Variants in ATP6AP1 observed in about 807,000 individuals in gnomAD.
ATP6AP1 encodes the protein V-type proton ATPase subunit S1.
ATP6AP1 carries 1 observed loss-of-function variant against 32.0 expected under a neutral mutation model. The observed-to-expected ratio is 0.03, with a 90% CI of 0.01 to 0.15. The LOEUF is 0.15. Among genes scored for constraint, ATP6AP1 ranks in the 10% least tolerant of loss-of-function variants. ATP6AP1 has a pLI of 1.00. For synonymous variants in ATP6AP1, 187 were observed against 174.9 expected (o/e 1.07, Z -0.55); for missense variants, 297 against 398.8 (o/e 0.74, Z 2.17).
intron 8 of ATP6AP1, 33 bp downstream of exon 8, chrX:154,435,219 G>T (rs2068712734): frequency 2.2e-5 from 26 of 1,209,210 alleles, no homozygotes; most frequent in Non-Finnish European, 2.9e-5. Flanking sequence ...GTATGGGTGG[G>T]CTGGTGTGGC....
Position 154,433,628 on chromosome X carries a change from C to T in ATP6AP1, c.599-7C>T. On this transcript the variant is annotated splice_region_variant and splice_polypyrimidine_tract_variant and intron_variant, in intron 5 of 9. Transcript: ENST00000369762. ...CCTGAGTCTCTGCTCTCCTTGTTGACCCTCAGATGAGGTCATCGGGCAGGT... is the reference window on the plus strand; with the variant it reads ...CCTGAGTCTCTGCTCTCCTTGTTGATCCTCAGATGAGGTCATCGGGCAGGT... The T allele has an allele frequency of 8.3e-7, 1 of 1,210,535 alleles. No individual in the cohort carries two copies. The highest frequency in any genetic ancestry group is 1.8e-5 in the South Asian group (1 of 56,991).
Position 154,432,262 on chromosome X carries a change from C to G in ATP6AP1, c.364-4C>G. ...CTCACCTTTTGCCTCTCCCCTGTCC[C>G]CAGAATGCCCTGGACCTGGCCCCCT... On this transcript the variant is annotated splice_region_variant and splice_polypyrimidine_tract_variant and intron_variant, in intron 3 of 9. Coordinates refer to ENST00000369762, the MANE Select transcript of ATP6AP1 (RefSeq NM_001183.6). 8.4e-7 allele frequency: 1 copy of G among 1,196,131 alleles called. No homozygotes were observed. Among genetic ancestry groups the G allele is most frequent in the African/African-American group, 1.7e-5 (1 of 57,746 alleles).
Position 154,428,802 on chromosome X carries a change from C to G in ATP6AP1, c.110C>G (p.Ala37Gly), listed in dbSNP as rs1557196285. The G allele has an allele frequency of 9.8e-6, 11 of 1,117,238 alleles. No homozygotes were observed. The highest frequency in any genetic ancestry group is 1.3e-5 in the Non-Finnish European group (11 of 856,517). 92.1% of individuals were successfully genotyped at this position (1,117,238 alleles called of 1,213,427 possible). The stretch of plus-strand genomic sequence containing the variant: ...TTTTTGTCGTTGGCGGCGGCGGCGG[C>G]GGCGGCAGCGGCGGAGCAGCAGGTC... ...PVFLSLAAAA[A>G]AAAAEQQVPL... The change falls in exon 1 of 10, where the codon GCG becomes GGG. Residue 37 changes from alanine (A) to glycine (G), a missense_variant. Physicochemically the swap from Ala to Gly is moderately conservative, Grantham distance 60. This residue lies in a region of ATP6AP1 where 142 missense variants were observed against 145.0 expected (regional missense o/e 0.98). Transcript: ENST00000369762.
At chrX:154,434,182 AG>A (rs781943680) in intron 6 of ATP6AP1, 25 bp from the exon 7 acceptor site, 1 of 1,200,792 alleles carries the variant, frequency 8.3e-7, no homozygotes, top group Non-Finnish European at 1.1e-6. Context: ...GGCTGCTGAA[AG>A]AAGGCTGGTT....
intron 3 of ATP6AP1, 113 bp from the exon 4 acceptor site, chrX:154,432,153 T>A: frequency 1.2e-6 from 1 of 809,956 alleles, no homozygotes; most frequent in Non-Finnish European, 1.7e-6. Flanking sequence ...ATTTTCTTGG[T>A]GAGCCTTTAT....
intron 1 of ATP6AP1, 37 bp from the exon 2 acceptor site, chrX:154,429,011 G>T: frequency 8.3e-7 from 1 of 1,201,580 alleles, no homozygotes; most frequent in Non-Finnish European, 1.1e-6. Context: ...GTCCACATGC[G>T]CCCCCGTCTG....
At chrX:154,432,181 G>C in intron 3 of ATP6AP1, 85 bp from the exon 4 acceptor site, 1 of 948,764 alleles carries the variant, frequency 1.1e-6, no homozygotes, top group Non-Finnish European at 1.4e-6. Flanking sequence ...GCTTGCCAGA[G>C]GAGAGCTGCC....
At position 154,429,305 on chromosome X, in the gene ATP6AP1, G is replaced by A. The variant is rs781900355; in HGVS notation, c.288+131G>A. 9.3e-6 allele frequency: 8 copies of A among 856,851 alleles called. No individual in the cohort carries two copies. In the East Asian group the frequency reaches 9.9e-5, roughly 11 times the overall value. 70.6% of individuals were successfully genotyped at this position (856,851 alleles called of 1,213,427 possible). ...TCCCAACTGTAGGGAGGTGTGGGTCGTCTCATGGGAAGGCCTGTAGTAAAC... is the reference window on the plus strand; with the variant it reads ...TCCCAACTGTAGGGAGGTGTGGGTCATCTCATGGGAAGGCCTGTAGTAAAC... On this transcript the variant is annotated intron_variant, in intron 2 of 9. Coordinates refer to ENST00000369762, the MANE Select transcript of ATP6AP1 (RefSeq NM_001183.6).
At chrX:154,431,253 A>G (rs5987262) in intron 2 of ATP6AP1, 1,702 of 113,057 alleles carry the variant, frequency 0.015, 31 homozygotes, top group African/African-American at 0.053. Context: ...GTAGGAGCAA[A>G]AGGACAAAGG....
intron 6 of ATP6AP1, 104 bp downstream of exon 6, chrX:154,433,824 G>C: frequency 1.2e-6 from 1 of 848,168 alleles, no homozygotes; most frequent in South Asian, 2.3e-5. Context: ...TGCCCAGGAG[G>C]CCCAGCATAG....
rs200315745 is a variant in ATP6AP1, at chrX:154,435,459, C to T, written c.1157C>T (p.Ala386Val). 216 of 1,210,712 alleles carry T rather than the reference C, an allele frequency of 1.8e-4. 2 individuals carry two copies. In the East Asian group the frequency reaches 6.2e-3, roughly 35 times the overall value. Residue 386 changes from alanine (A) to valine (V), a missense_variant, in exon 9 of 10, where the codon GCC becomes GTC. Physicochemically the swap from Ala to Val is moderately conservative, Grantham distance 64 (BLOSUM62 0). Transcript: ENST00000369762. Reference sequence around the variant, plus strand: ...AGCAAGAAGGGTAGTCTCCTCGTGGCCCGCACGCAGCCCTCTCCCTGGCAG... The same window carrying T: ...AGCAAGAAGGGTAGTCTCCTCGTGGTCCGCACGCAGCCCTCTCCCTGGCAG... ...SLSKKGSLLV[A>V]RTQPSPWQMM...
In ATP6AP1 at chrX:154,429,133, G is replaced by A. The variant is rs1231716998; in HGVS notation, c.247G>A (p.Glu83Lys). The A allele has an allele frequency of 6.6e-6, 8 of 1,209,973 alleles. No individual in the cohort carries two copies. Among genetic ancestry groups the A allele is most frequent in the Non-Finnish European group, 8.9e-6 (8 of 895,150 alleles). The change falls in exon 2 of 10, where the codon GAG becomes AAG. Residue 83 changes from glutamate to lysine, a missense_variant. Physicochemically the swap from Glu to Lys is moderately conservative, Grantham distance 56. Around this residue, in one of 2 missense-constraint regions of ATP6AP1, gnomAD observed 142 missense variants for 145.0 expected, o/e 0.98. Coordinates refer to ENST00000369762, the MANE Select transcript of ATP6AP1 (RefSeq NM_001183.6). The part of the protein sequence containing the change: ...QLSTYLDPAL[E>K]LGPRNVLLFL... ...CTCTACCTACTTAGATCCCGCCCTG[G>A]AGCTGGGTCCCAGGAATGTGCTGCT...
In ATP6AP1 at chrX:154,434,135, G is replaced by A. The variant is rs782252168; in HGVS notation, c.685-73G>A. ...GGTGTCCTGTTGGGAGGGGAAGGAG[G>A]GCACGACAATTGGGTTCAAGTGTGA... On this transcript the variant is annotated intron_variant, in intron 6 of 9. Coordinates refer to ENST00000369762, the MANE Select transcript of ATP6AP1 (RefSeq NM_001183.6). The A allele has an allele frequency of 1.2e-4, 121 of 1,017,903 alleles. No homozygotes were observed. The South Asian group carries it at 2.1e-3, about 18-fold the overall frequency. 83.9% of individuals were successfully genotyped at this position (1,017,903 alleles called of 1,213,427 possible). A position where few individuals can be genotyped will look rare whatever the true frequency, so the allele number is the denominator to read the frequency against.
At chrX:154,429,246 C>G (rs1159890461) in intron 2 of ATP6AP1, 72 bp downstream of exon 2, 24 of 1,134,246 alleles carry the variant, frequency 2.1e-5, no homozygotes, top group Non-Finnish European at 2.9e-5. Context: ...ATGACACTGA[C>G]GCCCATTCCC....
rs914558222 is a variant in ATP6AP1, at chrX:154,434,231, G to A, written c.708G>A (p.Val236=). ...PSRVARDVAV[V]AGGLGRQLLQ... ...AGGTGGCCCGTGATGTAGCCGTGGT[G>A]GCCGGAGGGCTAGGTCGCCAGCTGC... The change falls in exon 7 of 10, where the codon GTG becomes GTA. Residue 236 remains valine (V), a synonymous_variant. Transcript: ENST00000369762. 2 of 1,211,788 alleles carry A rather than the reference G, an allele frequency of 1.7e-6. No individual in the cohort carries two copies. The highest frequency in any genetic ancestry group is 5.9e-5 in the East Asian group (2 of 33,857).
intron 2 of ATP6AP1, chrX:154,430,533 A>G (rs1280419124): frequency 8.9e-6 from 1 of 112,272 alleles, no homozygotes; most frequent in Non-Finnish European, 1.9e-5. Flanking sequence ...TGTGCCAGGT[A>G]TTGTGAAGTG....
Position 154,435,960 on chromosome X carries a change from C to G in ATP6AP1, c.*69C>G. ...TGTTGCTTTCCCACCCTGCAGCGCA[C>G]TGGACTGAAGAGCTTCCCTCTTCCT... On this transcript the variant is annotated 3_prime_UTR_variant, in exon 10 of 10. Transcript: ENST00000369762. The G allele has an allele frequency of 9.7e-7, 1 of 1,029,056 alleles. No homozygotes were observed. Among genetic ancestry groups the G allele is most frequent in the Non-Finnish European group, 1.4e-6 (1 of 737,891 alleles). 84.8% of individuals were successfully genotyped at this position (1,029,056 alleles called of 1,213,427 possible).
In ATP6AP1 at chrX:154,435,344, C is replaced by T; in HGVS notation, c.1042C>T (p.His348Tyr). ...HWFTMERLEV[H>Y]SNGSVAYFNA... ...GTTTACCATGGAGCGCCTCGAAGTC[C>T]ACAGCAATGGCTCCGTCGCCTACTT... The change falls in exon 9 of 10, where the codon CAC (histidine) becomes TAC (tyrosine). Residue 348 changes from histidine (H) to tyrosine (Y), a missense_variant. His to Tyr is a moderately conservative substitution (Grantham distance 83). This residue lies in a region of ATP6AP1 where 155 missense variants were observed against 253.8 expected (regional missense o/e 0.61). Coordinates refer to ENST00000369762, the MANE Select transcript of ATP6AP1 (RefSeq NM_001183.6). The T allele has an allele frequency of 2.5e-6, 3 of 1,212,162 alleles. No homozygotes were observed. The highest frequency in any genetic ancestry group is 5.9e-5 in the East Asian group (2 of 33,850).
At chrX:154,433,363 TG>T (rs1480857185) in intron 5 of ATP6AP1, among the ~76,000 whole-genome samples, 1 of 111,806 alleles carries the variant, frequency 8.9e-6, no homozygotes, top group Non-Finnish European at 1.9e-5. Flanking sequence ...CTTTCATGGG[TG>T]GATGTGGAGT....
Sources: allele counts gnomAD v4.1 joint callset (sites outside exome capture counted in the v4.1 genomes callset), GRCh38; gene constraint gnomAD v4.1.1; regional missense constraint gnomAD v4.1.1; transcripts MANE v1.5; gene names NCBI Gene and HGNC (gene_info 2026-07-23, HGNC 2026-07-21).